Variants in CDH13 observed in about 807,000 individuals in gnomAD.
CDH13 encodes the protein cadherin-13.
A neutral mutation model predicts 63.8 loss-of-function variants in CDH13; 24 were observed. That is an observed-to-expected ratio of 0.38 (90% CI 0.27 to 0.53). The LOEUF (loss-of-function observed/expected upper bound fraction) is 0.53, where lower values mean the gene tolerates loss of function less well. CDH13 is among the 20% of genes least tolerant of loss of function. The pLI, the probability that CDH13 is intolerant of heterozygous loss-of-function variation, is 0.85. For missense variants in CDH13, 1,049 were observed against 903.1 expected (o/e 1.16, Z -2.07); for synonymous variants, 503 against 355.3 (o/e 1.42, Z -4.67).
At chr16:83,389,130 C>T (rs369513429) in intron 6 of CDH13, among the ~76,000 whole-genome samples, 60 of 152,106 alleles carry the variant, frequency 3.9e-4, no homozygotes, top group Non-Finnish European at 3.8e-4. Context: ...AGTTCTCAAA[C>T]GGGTATGCAT....
At chr16:82,970,000 C>G (rs149471009) in intron 2 of CDH13, among the ~76,000 whole-genome samples, 228 of 151,690 alleles carry the variant, frequency 1.5e-3, no homozygotes, top group African/African-American at 5.2e-3. Context: ...AGGTTTCTTA[C>G]GTAGGTATAC....
chr16:83,402,668 T>C (rs913798190), intron 6 of CDH13, among the ~76,000 whole-genome samples: 1 of 152,220 alleles, frequency 6.6e-6, no homozygotes, highest in East Asian at 1.9e-4. Context: ...AAGTTGGTGC[T>C]GTTTGGATGG....
intron 2 of CDH13, among the ~76,000 whole-genome samples, chr16:82,875,860 T>C (rs1437631955): frequency 6.6e-6 from 1 of 152,224 alleles, no homozygotes; most frequent in African/African-American, 2.4e-5. Context: ...TTCACACTGC[T>C]GATACAGACA....
intron 7 of CDH13, among the ~76,000 whole-genome samples, chr16:83,538,879 AT>A (rs1202536757): frequency 2.0e-5 from 3 of 152,356 alleles, no homozygotes; most frequent in South Asian, 4.1e-4. Context: ...TTGTAAAAAA[AT>A]ATATGTTAGA....
intron 5 of CDH13, among the ~76,000 whole-genome samples, chr16:83,222,924 G>T (rs11640229): frequency 6.6e-6 from 1 of 151,646 alleles, no homozygotes; most frequent in Non-Finnish European, 1.5e-5. Context: ...GTTATGGGGG[G>T]CTGTCCTGTG....
intron 2 of CDH13, among the ~76,000 whole-genome samples, chr16:82,878,138 G>A (rs532908091): frequency 6.6e-5 from 10 of 152,132 alleles, no homozygotes; most frequent in Middle Eastern, 3.4e-3. Flanking sequence ...CCAAGGAAAC[G>A]TCAAACCCCT....
intron 2 of CDH13, among the ~76,000 whole-genome samples, chr16:82,958,627 CAG>C (rs1906482972): frequency 6.6e-6 from 1 of 152,208 alleles, no homozygotes; most frequent in Non-Finnish European, 1.5e-5. Context: ...AGATATTAAA[CAG>C]GCATTAGATA....
intron 1 of CDH13, among the ~76,000 whole-genome samples, chr16:82,667,029 T>C (rs1301748184): frequency 6.6e-6 from 1 of 152,182 alleles, no homozygotes. Context: ...ACTCGGAGCC[T>C]TCTGATGTTT....
At chr16:82,917,896 C>T (rs2042037950) in intron 2 of CDH13, among the ~76,000 whole-genome samples, 1 of 130,888 alleles carries the variant, frequency 7.6e-6, no homozygotes, top group South Asian at 2.4e-4. Flanking sequence ...GCCTGGGCAA[C>T]AGAGAGAGAC....
intron 13 of CDH13, among the ~76,000 whole-genome samples, chr16:83,791,378 C>T (rs1295025856): frequency 6.6e-6 from 1 of 152,048 alleles, no homozygotes; most frequent in East Asian, 1.9e-4. Context: ...CACCTGTAAT[C>T]CCAGCTACTC....
intron 7 of CDH13, among the ~76,000 whole-genome samples, chr16:83,584,154 C>G (rs1232672063): frequency 6.6e-6 from 1 of 151,872 alleles, no homozygotes. Flanking sequence ...ATGGTGAAAC[C>G]CCATCTCTAC....
chr16:83,404,360 A>C (rs2092010999), intron 6 of CDH13, among the ~76,000 whole-genome samples: 1 of 152,152 alleles, frequency 6.6e-6, no homozygotes, highest in South Asian at 2.1e-4. Flanking sequence ...CTCCCAACAC[A>C]TCTATCCATT....
At chr16:83,661,316 G>T (rs1913421852) in intron 8 of CDH13, among the ~76,000 whole-genome samples, 3 of 151,908 alleles carry the variant, frequency 2.0e-5, no homozygotes, top group Admixed American at 2.0e-4. Context: ...GTGAAACCCT[G>T]TCTCTACACA....
At chr16:83,732,226 C>G (rs1026594856) in intron 10 of CDH13, among the ~76,000 whole-genome samples, 4 of 152,162 alleles carry the variant, frequency 2.6e-5, no homozygotes, top group African/African-American at 9.7e-5. Flanking sequence ...GGAGAGTCAA[C>G]AGCTTAATGG....
At chr16:83,480,286 A>C (rs1047383757) in intron 6 of CDH13, among the ~76,000 whole-genome samples, 3 of 152,296 alleles carry the variant, frequency 2.0e-5, no homozygotes, top group South Asian at 4.1e-4. Context: ...ACTGCGCTCC[A>C]ACCTAGGTGA....
At chr16:82,972,567 A>G (rs1908919052) in intron 2 of CDH13, among the ~76,000 whole-genome samples, 2 of 152,224 alleles carry the variant, frequency 1.3e-5, no homozygotes, top group African/African-American at 4.8e-5. Flanking sequence ...AAAGTGCAGT[A>G]GTAACAGCAC....
chr16:83,776,536 A>G (rs115365437), intron 11 of CDH13, among the ~76,000 whole-genome samples: 1,718 of 152,288 alleles, frequency 0.011, 41 homozygotes, highest in African/African-American at 0.04. Context: ...TTTACTCTGT[A>G]GCTGTCTTTG....
At chr16:83,187,619 CAGAG>C (rs1211794431) in intron 4 of CDH13, among the ~76,000 whole-genome samples, 3 of 152,020 alleles carry the variant, frequency 2.0e-5, no homozygotes, top group African/African-American at 7.2e-5. Context: ...TGGAGTGACT[CAGAG>C]AGAGAAATGA....
At chr16:83,529,708 A>G (rs1343396604) in intron 7 of CDH13, among the ~76,000 whole-genome samples, 2 of 152,200 alleles carry the variant, frequency 1.3e-5, no homozygotes, top group Non-Finnish European at 2.9e-5. Context: ...ACAAGCACAA[A>G]GGAAAATTAT....
Sources: allele counts gnomAD v4.1 joint callset (sites outside exome capture counted in the v4.1 genomes callset), GRCh38; gene constraint gnomAD v4.1.1; transcripts MANE v1.5; gene names NCBI Gene and HGNC (gene_info 2026-07-23, HGNC 2026-07-21).